GALNTL6: variants seen among roughly 807,000 people sequenced by gnomAD.
GALNTL6 encodes polypeptide N-acetylgalactosaminyltransferase-like 6.
Under a neutral mutation model 73.7 loss-of-function variants are expected in GALNTL6, and 46 were observed. The ratio of observed to expected loss-of-function variants is 0.62; its 90% CI spans 0.49 to 0.80. The LOEUF (loss-of-function observed/expected upper bound fraction) is 0.80. GALNTL6 is among the 30% of genes least tolerant of loss of function. The pLI, the probability that GALNTL6 is intolerant of heterozygous loss-of-function variation, is 0.00. For synonymous variants in GALNTL6, 259 were observed against 263.7 expected (o/e 0.98, Z 0.17); for missense variants, 604 against 755.0 (o/e 0.80, Z 2.34).
intron 5 of GALNTL6, among the ~76,000 whole-genome samples, chr4:172,493,822 C>T (rs1285884839): frequency 6.6e-6 from 1 of 152,114 alleles, no homozygotes; most frequent in African/African-American, 2.4e-5. Context: ...GCTTTTTAGT[C>T]CATGAGTCCT....
intron 5 of GALNTL6, among the ~76,000 whole-genome samples, chr4:172,802,458 G>A (rs922049807): frequency 6.6e-6 from 1 of 152,088 alleles, no homozygotes. Flanking sequence ...AAGTTGTATT[G>A]AGAGTCTAAA....
chr4:172,066,756 C>T (rs966016351), intron 2 of GALNTL6, among the ~76,000 whole-genome samples: 3 of 152,084 alleles, frequency 2.0e-5, no homozygotes, highest in Non-Finnish European at 1.5e-5. Context: ...ACATTTGGGC[C>T]TCTATCATTG....
chr4:172,055,534 T>A (rs1730995720), intron 2 of GALNTL6, among the ~76,000 whole-genome samples: 1 of 151,046 alleles, frequency 6.6e-6, no homozygotes, highest in Non-Finnish European at 1.5e-5. Context: ...TGCCTAGAAA[T>A]CAAATTGAGA....
At chr4:171,979,224 C>G (rs1739816725) in intron 2 of GALNTL6, among the ~76,000 whole-genome samples, 1 of 152,188 alleles carries the variant, frequency 6.6e-6, no homozygotes, top group Admixed American at 6.5e-5. Flanking sequence ...GTTTTTTAAT[C>G]ATCATTAACA....
At chr4:171,900,740 G>A (rs1269987383) in intron 2 of GALNTL6, among the ~76,000 whole-genome samples, 1 of 151,896 alleles carries the variant, frequency 6.6e-6, no homozygotes, top group African/African-American at 2.4e-5. Context: ...AATGAAACAA[G>A]AAAACAATCA....
chr4:172,500,502 G>C (rs187296727), intron 5 of GALNTL6, among the ~76,000 whole-genome samples: 1 of 152,186 alleles, frequency 6.6e-6, no homozygotes, highest in East Asian at 1.9e-4. Flanking sequence ...TCCTGTAAAG[G>C]AGAACACCAA....
chr4:172,849,364 G>A (rs994292856), intron 7 of GALNTL6, among the ~76,000 whole-genome samples: 2 of 152,116 alleles, frequency 1.3e-5, no homozygotes, highest in African/African-American at 4.8e-5. Context: ...GTGAAAAAAT[G>A]TCTCATTCAA....
At chr4:172,783,785 A>G (rs964383207) in intron 5 of GALNTL6, among the ~76,000 whole-genome samples, 1 of 152,042 alleles carries the variant, frequency 6.6e-6, no homozygotes, top group Non-Finnish European at 1.5e-5. Context: ...GTTAGAGAAT[A>G]TTTGTTTCAT....
At chr4:172,231,199 A>G (rs1326261970) in intron 3 of GALNTL6, among the ~76,000 whole-genome samples, 1 of 152,012 alleles carries the variant, frequency 6.6e-6, no homozygotes, top group African/African-American at 2.4e-5. Context: ...TGCTTGATCA[A>G]CCCTATATTA....
chr4:172,880,711 C>A (rs892607044), intron 7 of GALNTL6, among the ~76,000 whole-genome samples: 2 of 152,014 alleles, frequency 1.3e-5, no homozygotes, highest in African/African-American at 4.8e-5. Flanking sequence ...TACATAAACA[C>A]AGTAAATAAA....
At chr4:172,342,461 T>G (rs1268805617) in intron 4 of GALNTL6, among the ~76,000 whole-genome samples, 1 of 152,146 alleles carries the variant, frequency 6.6e-6, no homozygotes, top group Non-Finnish European at 1.5e-5. Context: ...ATTGTATCAC[T>G]TTTTTACCCA....
chr4:172,172,560 A>G (rs1046517283), intron 2 of GALNTL6, among the ~76,000 whole-genome samples: 34 of 152,132 alleles, frequency 2.2e-4, no homozygotes, highest in Non-Finnish European at 5.0e-4. Flanking sequence ...AAGATCATGT[A>G]AAAACACAAG....
chr4:172,954,956 G>A (rs757105792), intron 10 of GALNTL6, among the ~76,000 whole-genome samples: 1 of 152,134 alleles, frequency 6.6e-6, no homozygotes, highest in East Asian at 1.9e-4. Context: ...AGACATAGAG[G>A]ATGGGAGGAA....
intron 5 of GALNTL6, chr4:172,545,622 T>A (rs183612520): frequency 1.3e-5 from 2 of 152,282 alleles, no homozygotes; most frequent in African/African-American, 4.8e-5. Context: ...TGTAATCATT[T>A]GCCCTCTGTT....
chr4:172,549,709 A>C (rs1395890779), intron 5 of GALNTL6, among the ~76,000 whole-genome samples: 3 of 152,160 alleles, frequency 2.0e-5, no homozygotes, highest in Non-Finnish European at 4.4e-5. Context: ...CAATTTTTTA[A>C]ACAATATTAC....
intron 5 of GALNTL6, among the ~76,000 whole-genome samples, chr4:172,622,868 C>T (rs1739017318): frequency 1.3e-5 from 2 of 151,868 alleles, no homozygotes; most frequent in African/African-American, 2.4e-5. Context: ...ATTGACAAAG[C>T]GTTTAAGGTT....
chr4:172,593,543 T>A (rs1259117487), intron 5 of GALNTL6, among the ~76,000 whole-genome samples: 1 of 152,142 alleles, frequency 6.6e-6, no homozygotes, highest in Non-Finnish European at 1.5e-5. Context: ...GTGGCCAAAA[T>A]TAACTATCAG....
intron 8 of GALNTL6, among the ~76,000 whole-genome samples, chr4:172,890,114 C>A (rs1210893406): frequency 6.6e-6 from 1 of 151,996 alleles, no homozygotes; most frequent in Non-Finnish European, 1.5e-5. Context: ...TTTGTCATTT[C>A]TGATTATGCT....
intron 5 of GALNTL6, among the ~76,000 whole-genome samples, chr4:172,514,724 C>T (rs1011271349): frequency 8.5e-5 from 13 of 152,182 alleles, no homozygotes; most frequent in South Asian, 2.1e-4. Flanking sequence ...CTGTGAGATA[C>T]GGTCTGGAAT....
Sources: gnomAD v4.1 joint callset for allele counts (sites outside exome capture counted in the v4.1 genomes callset) on GRCh38, gnomAD v4.1.1 for gene constraint, MANE v1.5 for transcripts, NCBI Gene and HGNC (gene_info 2026-07-23, HGNC 2026-07-21) for gene names.